The following GABRG3 variants were observed in gnomAD, a reference collection of about 807,000 sequenced individuals.
GABRG3 encodes the protein gamma-aminobutyric acid type A receptor subunit gamma3, also known as gamma-aminobutyric acid receptor subunit gamma-3.
GABRG3 carries 25 observed loss-of-function variants against 48.8 expected under a neutral mutation model. That is an observed-to-expected ratio of 0.51 (90% CI 0.37 to 0.72). The LOEUF is 0.72. Ranked by LOEUF, GABRG3 falls within the 30% of genes least tolerant of loss-of-function variation. The pLI is 0.00. For missense variants in GABRG3, 394 were observed against 577.9 expected, an observed-to-expected ratio of 0.68 and a Z score of 3.26; for synonymous variants, 227 against 217.6, an observed-to-expected ratio of 1.04 and a Z score of -0.38.
chr15:27,307,678 C>T (rs1296251148), intron 3 of GABRG3, among the ~76,000 whole-genome samples: 4 of 119,294 alleles, frequency 3.4e-5, no homozygotes, highest in Non-Finnish European at 5.1e-5. Context: ...TATATATAAA[C>T]ATAGGTTTAT....
chr15:26,981,767 A>T (rs549411939), intron 2 of GABRG3, among the ~76,000 whole-genome samples: 2 of 152,296 alleles, frequency 1.3e-5, no homozygotes, highest in East Asian at 3.9e-4. Context: ...CTTCTCCTTC[A>T]GGAGGCTCCA....
intron 3 of GABRG3, among the ~76,000 whole-genome samples, chr15:27,274,991 C>T (rs995125892): frequency 1.5e-4 from 23 of 151,936 alleles, no homozygotes; most frequent in Non-Finnish European, 5.9e-5. Flanking sequence ...ATAGAAATGC[C>T]GAGAGTTTCT....
chr15:27,120,543 G>A (rs141174101), intron 3 of GABRG3, among the ~76,000 whole-genome samples: 212 of 152,124 alleles, frequency 1.4e-3, no homozygotes, highest in African/African-American at 4.8e-3. Flanking sequence ...TTTATCTTTG[G>A]CCCCTGATAA....
At chr15:27,063,927 T>C (rs985150043) in intron 3 of GABRG3, among the ~76,000 whole-genome samples, 3 of 152,184 alleles carry the variant, frequency 2.0e-5, no homozygotes, top group African/African-American at 7.2e-5. Flanking sequence ...TTTCCTGACA[T>C]GGGTGTCATT....
At chr15:27,307,894 A>G (rs970329083) in intron 3 of GABRG3, among the ~76,000 whole-genome samples, 2 of 137,196 alleles carry the variant, frequency 1.5e-5, no homozygotes, top group Non-Finnish European at 3.1e-5. Context: ...TATATAAAAT[A>G]TATATAAAAT....
intron 5 of GABRG3, chr15:27,365,554 G>T (rs188641829): frequency 6.6e-6 from 1 of 152,284 alleles, no homozygotes; most frequent in African/African-American, 2.4e-5. Context: ...TGCATTTTTA[G>T]CAGGAACACC....
chr15:27,312,543 A>G (rs1362212491), intron 3 of GABRG3, among the ~76,000 whole-genome samples: 1 of 152,190 alleles, frequency 6.6e-6, no homozygotes, highest in South Asian at 2.1e-4. Context: ...GCAGCAAGAG[A>G]AAAGCAAGTT....
At chr15:27,272,131 C>T (rs1960435116) in intron 3 of GABRG3, among the ~76,000 whole-genome samples, 1 of 152,226 alleles carries the variant, frequency 6.6e-6, no homozygotes, top group African/African-American at 2.4e-5. Flanking sequence ...CCAGACTGTC[C>T]TCAGAGGCTA....
Position 26,975,605 on chromosome 15 carries a change from G to A in GABRG3, c.54-1397G>A, listed in dbSNP as rs1481841189. 6.6e-6 allele frequency among the ~76,000 whole-genome samples: 1 copy of A among 152,130 alleles called. No homozygotes were observed. The highest frequency in any genetic ancestry group is 2.4e-5 in the African/African-American group (1 of 41,424). The stretch of plus-strand genomic sequence containing the variant: ...ATGTATATATTACATAAATATGCAT[G>A]TGCATATATATGAAGACCTAAATTA... On this transcript the variant is annotated intron_variant, in intron 1 of 9. Coordinates refer to ENST00000615808, the MANE Select transcript of GABRG3 (RefSeq NM_033223.5). This position sits in a 1 kb window ranked among gnomAD's most constrained non-coding sequence, Gnocchi z 4.6.
At chr15:27,177,939 A>C (rs1158651505) in intron 3 of GABRG3, among the ~76,000 whole-genome samples, 1 of 152,136 alleles carries the variant, frequency 6.6e-6, no homozygotes, top group African/African-American at 2.4e-5. Context: ...AGAAACATCA[A>C]GGGGAAGGGA....
In GABRG3 at chr15:27,026,763, C is replaced by A; in HGVS notation, c.212C>A (p.Thr71Asn). ...GTATTTTTCTCCACAGTAAAACCGA[C>A]CGTAATTGACGTTGACATTTATGTT... Reference protein sequence around the residue: ...KLRPDIGIKPTVIDVDIYVNS... With the variant: ...KLRPDIGIKPNVIDVDIYVNS... The change falls in exon 3 of 10, where the codon ACC becomes AAC. Residue 71 changes from threonine (T) to asparagine (N), a missense_variant. Physicochemically the swap from Thr to Asn is moderately conservative, Grantham distance 65 (BLOSUM62 0). This residue lies in a region of GABRG3 where 218 missense variants were observed against 309.9 expected (regional missense o/e 0.70). Coordinates refer to ENST00000615808, the MANE Select transcript of GABRG3 (RefSeq NM_033223.5). 6.2e-7 allele frequency: 1 copy of A among 1,611,326 alleles called. No homozygotes were observed. The highest frequency in any genetic ancestry group is 8.5e-7 in the Non-Finnish European group (1 of 1,179,042).
chr15:27,295,565 A>T (rs1275312549), intron 3 of GABRG3, among the ~76,000 whole-genome samples: 1 of 152,154 alleles, frequency 6.6e-6, no homozygotes, highest in Non-Finnish European at 1.5e-5. Context: ...AAAAAAATTC[A>T]CCATGGGTAG....
intron 5 of GABRG3, among the ~76,000 whole-genome samples, chr15:27,422,044 T>G (rs1487476225): frequency 1.3e-5 from 2 of 150,984 alleles, no homozygotes; most frequent in Non-Finnish European, 2.9e-5. Context: ...TACTGGGTGT[T>G]CTAAGATATC....
intron 2 of GABRG3, among the ~76,000 whole-genome samples, chr15:27,000,895 A>G (rs1038611573): frequency 6.6e-6 from 1 of 152,144 alleles, no homozygotes; most frequent in Admixed American, 6.5e-5. Flanking sequence ...AAGCCCTGTG[A>G]ATTTTGACTA....
intron 3 of GABRG3, among the ~76,000 whole-genome samples, chr15:27,248,829 G>C (rs966301974): frequency 6.8e-5 from 10 of 146,372 alleles, no homozygotes; most frequent in Non-Finnish European, 1.1e-4. Context: ...GAGAGAGAGA[G>C]AGAGAGACAG....
chr15:27,455,922 T>C (rs1889262023), intron 5 of GABRG3, among the ~76,000 whole-genome samples: 1 of 152,168 alleles, frequency 6.6e-6, no homozygotes, highest in East Asian at 1.9e-4. Context: ...ACTGTCCCAC[T>C]TTGCCCGTGT....
intron 5 of GABRG3, among the ~76,000 whole-genome samples, chr15:27,456,979 G>A (rs1889302720): frequency 6.6e-6 from 1 of 152,182 alleles, no homozygotes; most frequent in Non-Finnish European, 1.5e-5. Flanking sequence ...AGCCCCAGAA[G>A]AGCTCCCCAC....
intron 3 of GABRG3, among the ~76,000 whole-genome samples, chr15:27,235,269 A>AAGAT (rs1008016688): frequency 5.9e-4 from 89 of 150,940 alleles, no homozygotes; most frequent in African/African-American, 2.2e-3. Flanking sequence ...CCCTGCACAG[A>AAGAT]AGATGGTTTG....
chr15:27,388,252 A>G (rs1896067751), intron 5 of GABRG3, among the ~76,000 whole-genome samples: 1 of 48,868 alleles, frequency 2.0e-5, no homozygotes, highest in Non-Finnish European at 4.1e-5. Context: ...GAGGAAAGGA[A>G]GGAAGGAAAG....
Sources: gnomAD v4.1 joint callset for allele counts (sites outside exome capture counted in the v4.1 genomes callset) on GRCh38, gnomAD v4.1.1 for gene constraint, gnomAD v4.1.1 regional missense constraint, Gnocchi (gnomAD v3.1) non-coding constraint, MANE v1.5 for transcripts, NCBI Gene and HGNC (gene_info 2026-07-23, HGNC 2026-07-21) for gene names.